The following TRIM8 variants were observed in gnomAD, a reference collection of about 807,000 sequenced individuals.
The protein encoded by TRIM8 is E3 ubiquitin-protein ligase TRIM8.
TRIM8 carries 9 observed loss-of-function variants against 55.7 expected under a neutral mutation model. The ratio of observed to expected loss-of-function variants is 0.16; its 90% CI spans 0.10 to 0.28. The LOEUF (loss-of-function observed/expected upper bound fraction) is 0.28, where lower values mean the gene tolerates loss of function less well. Ranked by LOEUF, TRIM8 falls within the 10% of genes least tolerant of loss-of-function variation. The pLI is 1.00. For missense variants in TRIM8, 556 were observed against 736.4 expected (o/e 0.76, Z 2.83); for synonymous variants, 335 against 333.3 (o/e 1.01, Z -0.06).
chr10:102,653,060 A>G (rs2063997539), intron 1 of TRIM8, among the ~76,000 whole-genome samples: 1 of 152,118 alleles, frequency 6.6e-6, no homozygotes, highest in African/African-American at 2.4e-5. Flanking sequence ...CGGCCTCCCA[A>G]AGTGCTGGGA....
At chr10:102,650,615 T>C (rs2063976733) in intron 1 of TRIM8, among the ~76,000 whole-genome samples, 1 of 152,216 alleles carries the variant, frequency 6.6e-6, no homozygotes, top group South Asian at 2.1e-4. Context: ...GTCCAGGCCA[T>C]GCACTGCTGT....
In TRIM8 at chr10:102,657,316, T is replaced by C. The variant is rs1484577671; in HGVS notation, c.1618T>C (p.Tyr540His). The C allele has an allele frequency of 1.2e-6, 2 of 1,606,692 alleles. No individual in the cohort carries two copies. Among genetic ancestry groups the C allele is most frequent in the African/African-American group, 1.3e-5 (1 of 74,716 alleles). Residue 540 changes from tyrosine to histidine, a missense_variant, in exon 6 of 6, where the codon TAT becomes CAT. Tyr to His is a moderately conservative substitution (Grantham distance 83). Around this residue, in one of 2 missense-constraint regions of TRIM8, gnomAD observed 391 missense variants for 441.0 expected, o/e 0.89. Transcript: ENST00000643721. ...QPGHQDFYRV[Y>H]GQPSTKHYVT... ...CGGCCACCAGGATTTCTACAGGGTG[T>C]ATGGGCAGCCGTCCACCAAACACTA...
rs763721820 is a variant in TRIM8 at position 102,656,918 on chromosome 10, G to A, written c.1220G>A (p.Ser407Asn). 1 of 1,602,560 alleles carries A rather than the reference G, an allele frequency of 6.2e-7. No homozygotes were observed. The highest frequency in any genetic ancestry group is 1.3e-5 in the African/African-American group (1 of 74,698). ...GGQYGAAGTA[S>N]GEGQSGQPLG... is the part of the protein sequence containing the mutation. ...CAGTACGGGGCGGCGGGCACAGCCA[G>A]CGGTGAGGGCCAGTCTGGGCAGCCC... The change falls in exon 6 of 6, where the codon AGC becomes AAC. Residue 407 changes from serine (S) to asparagine (N), a missense_variant. Ser to Asn is a conservative substitution (Grantham distance 46). Transcript: ENST00000643721. This position sits in a 1 kb window ranked among gnomAD's most constrained non-coding sequence, Gnocchi z 4.6.
Position 102,656,439 on chromosome 10 carries a change from A to G in TRIM8, c.1048+54A>G. ...GACAGGGACCTTTGGGGAGGGGTTC[A>G]GCGCCACAGCCTTCCCTCCAAGAGG... On this transcript the variant is annotated intron_variant, in intron 5 of 5. Transcript: ENST00000643721. The surrounding 1 kb of genome is among the most constrained non-coding windows in gnomAD (Gnocchi z 4.6). 1 of 1,563,472 alleles carries G rather than the reference A, an allele frequency of 6.4e-7. No homozygotes were observed. The highest frequency in any genetic ancestry group is 8.7e-7 in the Non-Finnish European group (1 of 1,152,790).
rs1009647717 is a variant in TRIM8 at position 102,656,455 on chromosome 10, C to G, written c.1048+70C>G. On this transcript the variant is annotated intron_variant, in intron 5 of 5. Transcript: ENST00000643721. This position sits in a 1 kb window ranked among gnomAD's most constrained non-coding sequence, Gnocchi z 4.6. ...GAGGGGTTCAGCGCCACAGCCTTCCCTCCAAGAGGCAGTGTGGCCCAGTCT... is the reference window on the plus strand; with the variant it reads ...GAGGGGTTCAGCGCCACAGCCTTCCGTCCAAGAGGCAGTGTGGCCCAGTCT... 5.8e-6 allele frequency: 9 copies of G among 1,546,324 alleles called. No individual in the cohort carries two copies. The highest frequency in any genetic ancestry group is 7.9e-6 in the Non-Finnish European group (9 of 1,143,292).
chr10:102,647,426 GCC>G (rs986653720), intron 1 of TRIM8, among the ~76,000 whole-genome samples: 4 of 152,176 alleles, frequency 2.6e-5, no homozygotes, highest in Admixed American at 2.6e-4. Context: ...TCTTTCTGGT[GCC>G]CCAGGCCACT....
Position 102,656,912 on chromosome 10 carries a change from C to T in TRIM8, c.1214C>T (p.Thr405Ile). ...GGCGGCCAGTACGGGGCGGCGGGCACAGCCAGCGGTGAGGGCCAGTCTGGG... is the reference window on the plus strand; with the variant it reads ...GGCGGCCAGTACGGGGCGGCGGGCATAGCCAGCGGTGAGGGCCAGTCTGGG... The part of the protein sequence containing the change: ...PVGGQYGAAG[T>I]ASGEGQSGQP... The change falls in exon 6 of 6, where the codon ACA (threonine) becomes ATA (isoleucine). Residue 405 changes from threonine to isoleucine, a missense_variant. Physicochemically the swap from Thr to Ile is moderately conservative, Grantham distance 89. Coordinates refer to ENST00000643721, the MANE Select transcript of TRIM8 (RefSeq NM_030912.3). This position sits in a 1 kb window ranked among gnomAD's most constrained non-coding sequence, Gnocchi z 4.6. 6.3e-7 allele frequency: 1 copy of T among 1,599,678 alleles called. No individual in the cohort carries two copies. Among genetic ancestry groups the T allele is most frequent in the African/African-American group, 1.3e-5 (1 of 74,592 alleles).
chr10:102,649,466 C>G (rs1020366740), intron 1 of TRIM8, among the ~76,000 whole-genome samples: 3 of 152,342 alleles, frequency 2.0e-5, no homozygotes, highest in Admixed American at 2.0e-4. Flanking sequence ...GGAGCAAGCC[C>G]GGCTTGGGCC....
chr10:102,650,824 G>A (rs928757477), intron 1 of TRIM8, among the ~76,000 whole-genome samples: 3 of 152,142 alleles, frequency 2.0e-5, no homozygotes, highest in African/African-American at 7.2e-5. Flanking sequence ...TGCTGGTGGT[G>A]GGGGGTCTGG....
intron 1 of TRIM8, among the ~76,000 whole-genome samples, chr10:102,653,185 G>A (rs571202145): frequency 2.0e-4 from 30 of 152,286 alleles, no homozygotes; most frequent in Non-Finnish European, 3.5e-4. Flanking sequence ...TGAGAGGGAG[G>A]GCAGAATGGG....
At position 102,655,091 on chromosome 10, in the gene TRIM8, C is replaced by T; in HGVS notation, c.678C>T (p.Asn226=). Residue 226 remains asparagine (N), a synonymous_variant, in exon 3 of 6, where the codon AAC becomes AAT. Coordinates refer to ENST00000643721, the MANE Select transcript of TRIM8 (RefSeq NM_030912.3). ...CTCTGTACTCGCAGGAGAAAGTGAA[C>T]CAACTGAAGGAGGAAGTTCGGCTGC... The part of the protein sequence containing the change: ...SDKRLVEEKV[N]QLKEEVRLQY... The T allele has an allele frequency of 1.2e-6, 2 of 1,612,646 alleles. No individual in the cohort carries two copies. The highest frequency in any genetic ancestry group is 1.7e-6 in the Non-Finnish European group (2 of 1,179,624).
At chr10:102,652,230 GT>G (rs1163290345) in intron 1 of TRIM8, among the ~76,000 whole-genome samples, 37 of 152,274 alleles carry the variant, frequency 2.4e-4, no homozygotes, top group African/African-American at 8.9e-4. Context: ...TTTTTCCACA[GT>G]AGCCTCCAAC....
rs1032414234 is a variant in TRIM8, at chr10:102,656,442, G to A, written c.1048+57G>A. The stretch of plus-strand genomic sequence containing the variant: ...AGGGACCTTTGGGGAGGGGTTCAGC[G>A]CCACAGCCTTCCCTCCAAGAGGCAG... On this transcript the variant is annotated intron_variant, in intron 5 of 5. Transcript: ENST00000643721. This position sits in a 1 kb window ranked among gnomAD's most constrained non-coding sequence, Gnocchi z 4.6. 7.2e-5 allele frequency: 112 copies of A among 1,560,740 alleles called. 1 individual carries two copies. Among genetic ancestry groups the A allele is most frequent in the South Asian group, 2.1e-4 (18 of 85,932 alleles).
In TRIM8 at chr10:102,645,150, C is replaced by T; in HGVS notation, c.533C>T (p.Ser178Leu). 1 of 1,564,806 alleles carries T rather than the reference C, an allele frequency of 6.4e-7. No individual in the cohort carries two copies. Among genetic ancestry groups the T allele is most frequent in the Non-Finnish European group, 8.6e-7 (1 of 1,163,844 alleles). ...CYYSGAHQGH[S>L]VCDVEIRRNE... is the part of the protein sequence containing the mutation. Reference sequence around the variant, plus strand: ...TACAGCGGCGCGCATCAGGGACACTCGGTGTGCGACGTGGAGATCCGAAGG... The same window carrying T: ...TACAGCGGCGCGCATCAGGGACACTTGGTGTGCGACGTGGAGATCCGAAGG... Residue 178 changes from serine to leucine, a missense_variant, in exon 1 of 6, where the codon TCG becomes TTG. Ser to Leu is a moderately radical substitution (Grantham distance 145). Around this residue, in one of 2 missense-constraint regions of TRIM8, gnomAD observed 165 missense variants for 295.3 expected, o/e 0.56. Coordinates refer to ENST00000643721, the MANE Select transcript of TRIM8 (RefSeq NM_030912.3).
intron 1 of TRIM8, among the ~76,000 whole-genome samples, chr10:102,646,993 G>A (rs905267352): frequency 6.6e-6 from 1 of 152,214 alleles, no homozygotes; most frequent in Non-Finnish European, 1.5e-5. Flanking sequence ...ACCTGACTTG[G>A]TGTAGGAGGA....
At chr10:102,647,452 C>G (rs1680772766) in intron 1 of TRIM8, among the ~76,000 whole-genome samples, 1 of 152,186 alleles carries the variant, frequency 6.6e-6, no homozygotes, top group South Asian at 2.1e-4. Context: ...GTTGGAAACC[C>G]TTCAGTAGCC....
rs1262115568 is a variant in TRIM8, at chr10:102,654,947, T to C, written c.667-133T>C. 4.5e-6 allele frequency: 5 copies of C among 1,099,236 alleles called. No homozygotes were observed. The South Asian group carries it at 6.7e-5, about 15-fold the overall frequency. The allele number at this position is 1,099,236 out of a possible 1,614,324, so 68.1% of individuals were successfully genotyped here. ...GTGCTACCAGTGGGGAACTGGCAGG[T>C]CAGACCTTGCCCTTGGGAGCCTGGG... On this transcript the variant is annotated intron_variant, in intron 2 of 5. Transcript: ENST00000643721.
chr10:102,648,973 A>G (rs2063958071), intron 1 of TRIM8, among the ~76,000 whole-genome samples: 1 of 151,912 alleles, frequency 6.6e-6, no homozygotes, highest in South Asian at 2.1e-4. Flanking sequence ...TGTCATGCAC[A>G]CACTATTATT....
chr10:102,655,659 T>C (rs1165622911), intron 3 of TRIM8, among the ~76,000 whole-genome samples: 5 of 152,250 alleles, frequency 3.3e-5, no homozygotes, highest in Non-Finnish European at 5.9e-5. Flanking sequence ...GGTCTTTATC[T>C]TGCTTAGTAT....
Sources: allele counts gnomAD v4.1 joint callset (sites outside exome capture counted in the v4.1 genomes callset), GRCh38; gene constraint gnomAD v4.1.1; regional missense constraint gnomAD v4.1.1; non-coding constraint Gnocchi (gnomAD v3.1); transcripts MANE v1.5; gene names NCBI Gene and HGNC (gene_info 2026-07-23, HGNC 2026-07-21).